The following NMNAT2 variants were observed in gnomAD, a reference collection of about 807,000 sequenced individuals.
NMNAT2 encodes the protein nicotinamide/nicotinic acid mononucleotide adenylyltransferase 2.
Under a neutral mutation model 41.6 loss-of-function variants are expected in NMNAT2, and 11 were observed. The observed-to-expected ratio is 0.26, with a 90% CI of 0.17 to 0.44. NMNAT2 has a LOEUF of 0.44. Among genes scored for constraint, NMNAT2 ranks in the 20% least tolerant of loss-of-function variants. The pLI is 1.00. For synonymous variants in NMNAT2, 148 were observed against 151.2 expected (o/e 0.98, Z 0.16); for missense variants, 288 against 407.7 (o/e 0.71, Z 2.53).
chr1:183,297,680 C>G (rs919794572), intron 1 of NMNAT2, among the ~76,000 whole-genome samples: 3 of 152,150 alleles, frequency 2.0e-5, no homozygotes, highest in African/African-American at 7.2e-5. Flanking sequence ...CATGCCCGGC[C>G]TAGGAAAGAA....
At chr1:183,382,821 C>T (rs1476753288) in intron 1 of NMNAT2, among the ~76,000 whole-genome samples, 1 of 152,204 alleles carries the variant, frequency 6.6e-6, no homozygotes, top group Non-Finnish European at 1.5e-5. Flanking sequence ...CAGGGTACAG[C>T]CTCCTCAGCT....
At chr1:183,387,277 A>G (rs971220857) in intron 1 of NMNAT2, among the ~76,000 whole-genome samples, 1 of 151,258 alleles carries the variant, frequency 6.6e-6, no homozygotes, top group South Asian at 2.1e-4. Context: ...GAAAATATTA[A>G]TGACCCTTGA....
intron 1 of NMNAT2, among the ~76,000 whole-genome samples, chr1:183,397,886 G>A (rs1342614331): frequency 6.6e-6 from 1 of 152,148 alleles, no homozygotes; most frequent in Admixed American, 6.5e-5. Flanking sequence ...CACCAGGCCT[G>A]CCCTAAAAGA....
chr1:183,255,019 T>C (rs2102273654), intron 10 of NMNAT2, among the ~76,000 whole-genome samples: 1 of 152,344 alleles, frequency 6.6e-6, no homozygotes, highest in South Asian at 2.1e-4. Flanking sequence ...TTTTCCTTTA[T>C]GTTTTCTTCT....
chr1:183,373,775 G>T (rs1663608492), intron 1 of NMNAT2, among the ~76,000 whole-genome samples: 1 of 151,958 alleles, frequency 6.6e-6, no homozygotes, highest in Non-Finnish European at 1.5e-5. Flanking sequence ...ACGCAACCAT[G>T]CCCGGCTAAT....
intron 1 of NMNAT2, among the ~76,000 whole-genome samples, chr1:183,313,737 T>G (rs922022729): frequency 5.9e-5 from 9 of 152,210 alleles, no homozygotes; most frequent in Non-Finnish European, 1.5e-5. Context: ...CTGCCTGCCT[T>G]GGCCTCCCAA....
In NMNAT2 at chr1:183,249,680, G is replaced by GGC. The variant is rs1365407740; in HGVS notation, c.*2959_*2960dup. 4 of 116,216 alleles carry GGC rather than the reference G, an allele frequency of 3.4e-5. No homozygotes were observed. The Admixed American group carries it at 3.7e-4, about 11-fold the overall frequency. The allele number at this position is 116,216 out of a possible 1,614,324, so 7.2% of individuals were successfully genotyped here. On this transcript the variant is annotated 3_prime_UTR_variant, in exon 11 of 11. Coordinates refer to ENST00000287713, the MANE Select transcript of NMNAT2 (RefSeq NM_015039.4). ...CCTTCCCCTAGCAAATGAAGAGTAG[G>GGC]GCGTGTGTGTGTGTGTGTGTGTGTG...
chr1:183,290,041 C>T, intron 4 of NMNAT2, 87 bp downstream of exon 4: 1 of 1,082,974 alleles, frequency 9.2e-7, no homozygotes, highest in East Asian at 2.7e-5. Context: ...AGCACCCTCT[C>T]CTCTCCCTGC....
At chr1:183,380,460 C>G (rs1663780862) in intron 1 of NMNAT2, among the ~76,000 whole-genome samples, 1 of 151,996 alleles carries the variant, frequency 6.6e-6, no homozygotes, top group African/African-American at 2.4e-5. Context: ...CAAATATTAC[C>G]ATATAATTTT....
chr1:183,299,362 C>T (rs183809661), intron 1 of NMNAT2, among the ~76,000 whole-genome samples: 6 of 150,772 alleles, frequency 4.0e-5, no homozygotes, highest in African/African-American at 9.8e-5. Flanking sequence ...GGTGACACAG[C>T]GAGACTCTGT....
rs372271276 is a variant in NMNAT2, at chr1:183,301,419, G to A, written c.86-7626C>T. On this transcript the variant is annotated intron_variant, in intron 1 of 10. Coordinates refer to ENST00000287713, the MANE Select transcript of NMNAT2 (RefSeq NM_015039.4). ...AGTAGAAAGCCAGCCCATTGGCAAA[G>A]CTGTAGCTATGGCCCTGGAATTTAA... Among the ~76,000 whole-genome samples the A allele has an allele frequency of 2.0e-5, 3 of 152,370 alleles. No individual in the cohort carries two copies. In the East Asian group the frequency reaches 5.8e-4, roughly 29 times the overall value.
At position 183,249,551 on chromosome 1, in the gene NMNAT2, G is replaced by A. The variant is rs1660317200; in HGVS notation, c.*3090C>T. On this transcript the variant is annotated 3_prime_UTR_variant, in exon 11 of 11. Transcript: ENST00000287713. ...AAAGTCGGGGGGTAGAGGTTATCCTGTTGGCACCTGGGGCACCACTTCAGA... is the reference window on the plus strand; with the variant it reads ...AAAGTCGGGGGGTAGAGGTTATCCTATTGGCACCTGGGGCACCACTTCAGA... 6.6e-6 allele frequency: 1 copy of A among 152,168 alleles called. No individual in the cohort carries two copies. Among genetic ancestry groups the A allele is most frequent in the Admixed American group, 6.6e-5 (1 of 15,260 alleles). 9.4% of individuals were successfully genotyped at this position (152,168 alleles called of 1,614,324 possible). A position where few individuals can be genotyped will look rare whatever the true frequency, so the allele number is the denominator to read the frequency against.
In NMNAT2 at chr1:183,254,375, T is replaced by G. The variant is rs147378852; in HGVS notation, c.822-1632A>C. 2.6e-5 allele frequency among the ~76,000 whole-genome samples: 4 copies of G among 152,312 alleles called. No homozygotes were observed. In the East Asian group the frequency reaches 7.7e-4, roughly 29 times the overall value. On this transcript the variant is annotated intron_variant, in intron 10 of 10. Coordinates refer to ENST00000287713, the MANE Select transcript of NMNAT2 (RefSeq NM_015039.4). Reference sequence around the variant, plus strand: ...TCTTTTTATGCACCTGTTAGCAATTTTTATGTCATCTCTGGAGAGATGTCT... The same window carrying G: ...TCTTTTTATGCACCTGTTAGCAATTGTTATGTCATCTCTGGAGAGATGTCT...
chr1:183,397,136 A>C (rs1195721502), intron 1 of NMNAT2, among the ~76,000 whole-genome samples: 2 of 152,128 alleles, frequency 1.3e-5, no homozygotes, highest in Non-Finnish European at 2.9e-5. Flanking sequence ...TTGAGTGTGT[A>C]CTTTTTACTT....
At chr1:183,389,080 G>C (rs972093475) in intron 1 of NMNAT2, among the ~76,000 whole-genome samples, 2 of 152,188 alleles carry the variant, frequency 1.3e-5, no homozygotes, top group African/African-American at 2.4e-5. Context: ...ACAGCACTTT[G>C]CTCTTCCCTA....
intron 1 of NMNAT2, among the ~76,000 whole-genome samples, chr1:183,404,880 T>C (rs188313930): frequency 8.2e-4 from 125 of 152,242 alleles, no homozygotes; most frequent in South Asian, 7.7e-3. Context: ...AAACATCCTG[T>C]CTGTAAAGGC....
rs1364986736 is a variant in NMNAT2, at chr1:183,287,974, G to A, written c.322-1186C>T. Reference sequence around the variant, plus strand: ...GAGGAGGTCACATCTGACCACATCTGGGAGCCAGCTGGGGTGGGTACCACG... The same window carrying A: ...GAGGAGGTCACATCTGACCACATCTAGGAGCCAGCTGGGGTGGGTACCACG... On this transcript the variant is annotated intron_variant, in intron 4 of 10. Coordinates refer to ENST00000287713, the MANE Select transcript of NMNAT2 (RefSeq NM_015039.4). Among the ~76,000 whole-genome samples the A allele has an allele frequency of 2.0e-5, 3 of 152,290 alleles. No homozygotes were observed. The East Asian group carries it at 5.8e-4, about 29-fold the overall frequency.
intron 10 of NMNAT2, among the ~76,000 whole-genome samples, chr1:183,253,900 C>T (rs1660452825): frequency 7.0e-6 from 1 of 143,532 alleles, no homozygotes. Flanking sequence ...TAATGTTCCA[C>T]TTCCGTGTGT....
chr1:183,305,104 C>G (rs10911300), intron 1 of NMNAT2, among the ~76,000 whole-genome samples: 10,329 of 147,858 alleles, frequency 0.07, 428 homozygotes, highest in Admixed American at 0.1. Flanking sequence ...GTTGAAAAAG[C>G]CTTTTTTTTT....
Sources: gnomAD v4.1 joint callset for allele counts (sites outside exome capture counted in the v4.1 genomes callset) on GRCh38, gnomAD v4.1.1 for gene constraint, MANE v1.5 for transcripts, NCBI Gene and HGNC (gene_info 2026-07-23, HGNC 2026-07-21) for gene names.